GBX1: variants seen among roughly 807,000 people sequenced by gnomAD.
The protein encoded by GBX1 is homeobox protein GBX-1.
Under a neutral mutation model 22.9 loss-of-function variants are expected in GBX1, and 9 were observed. That is an observed-to-expected ratio of 0.39 (90% CI 0.24 to 0.69). The LOEUF is 0.69. GBX1 is among the 30% of genes least tolerant of loss of function. The pLI is 0.43. For synonymous variants in GBX1, 203 were observed against 227.3 expected, an observed-to-expected ratio of 0.89 and a Z score of 0.96; for missense variants, 494 against 509.2, an observed-to-expected ratio of 0.97 and a Z score of 0.29.
rs1465228158 is a variant in GBX1, at chr7:151,148,200, A to G, written c.*389T>C. ...ACAAATAAATAAGGAGCTGCGATCT[A>G]CTTGGCTAGGTATCGCCTGTTCCCT... is the stretch of plus-strand genomic sequence containing the variant. On this transcript the variant is annotated 3_prime_UTR_variant, in exon 2 of 2. Coordinates refer to ENST00000297537, the MANE Select transcript of GBX1 (RefSeq NM_001098834.3). This position sits in a 1 kb window ranked among gnomAD's most constrained non-coding sequence, Gnocchi z 5.1. Among the ~76,000 whole-genome samples, 1 of 152,170 alleles carries G rather than the reference A, an allele frequency of 6.6e-6. No individual in the cohort carries two copies. Among genetic ancestry groups the G allele is most frequent in the Non-Finnish European group, 1.5e-5 (1 of 68,004 alleles).
chr7:151,166,478 C>CCT, intron 1 of GBX1, among the ~76,000 whole-genome samples: 1 of 124,372 alleles, frequency 8.0e-6, no homozygotes, highest in East Asian at 2.4e-4. Context: ...GACGCAACCC[C>CCT]CCCCCCCCAA....
At chr7:151,149,293 A>G in intron 1 of GBX1, 151 bp from the exon 2 acceptor site, 1 of 704,438 alleles carries the variant, frequency 1.4e-6, no homozygotes, top group Non-Finnish European at 2.4e-6. Context: ...GGGGAGGGAC[A>G]GGAGGCAGAA....
intron 1 of GBX1, among the ~76,000 whole-genome samples, chr7:151,165,168 A>G (rs1801235478): frequency 6.6e-6 from 1 of 151,900 alleles, no homozygotes; most frequent in African/African-American, 2.4e-5. Flanking sequence ...TTCTTGTTTC[A>G]TCAGTATTTC....
intron 1 of GBX1, among the ~76,000 whole-genome samples, chr7:151,159,586 T>C (rs1801170605): frequency 6.6e-6 from 1 of 152,146 alleles, no homozygotes; most frequent in Non-Finnish European, 1.5e-5. Flanking sequence ...CACTATGTTA[T>C]ACCAGGCTGA....
chr7:151,166,487 AACACAC>A (rs767762750), intron 1 of GBX1, among the ~76,000 whole-genome samples: 22 of 55,814 alleles, frequency 3.9e-4, no homozygotes, highest in Non-Finnish European at 5.5e-4. Flanking sequence ...CCCCCCCCCC[AACACAC>A]ACACACACAC....
In GBX1 at chr7:151,159,544, C is replaced by T. The variant is rs1801170318; in HGVS notation, c.538+7467G>A. On this transcript the variant is annotated intron_variant, in intron 1 of 1. Transcript: ENST00000297537. ...GGACTAGAGATACACACCACCATAC[C>T]TGGCAAATTTCTTTTGGTAGAGACA... 2.0e-5 allele frequency among the ~76,000 whole-genome samples: 3 copies of T among 152,140 alleles called. No homozygotes were observed. The South Asian group carries it at 6.2e-4, about 31-fold the overall frequency.
chr7:151,164,629 A>G (rs1420001332), intron 1 of GBX1, among the ~76,000 whole-genome samples: 1 of 152,034 alleles, frequency 6.6e-6, no homozygotes, highest in African/African-American at 2.4e-5. Context: ...CCCCACTATA[A>G]ACCCTTTACA....
chr7:151,164,128 G>A (rs1362740360), intron 1 of GBX1, among the ~76,000 whole-genome samples: 1 of 152,058 alleles, frequency 6.6e-6, no homozygotes, highest in Non-Finnish European at 1.5e-5. Flanking sequence ...TTATTTAAAC[G>A]GGTTAGCAGT....
chr7:151,163,617 A>C (rs1801210865), intron 1 of GBX1, among the ~76,000 whole-genome samples: 1 of 152,206 alleles, frequency 6.6e-6, no homozygotes, highest in Non-Finnish European at 1.5e-5. Context: ...TGTTGAAATA[A>C]TATTTTGGAC....
rs376853331 is a variant in GBX1, at chr7:151,165,002, TACACACAC to T, written c.538+2001_538+2008del. Among the ~76,000 whole-genome samples the T allele has an allele frequency of 3.3e-5, 5 of 151,110 alleles. No individual in the cohort carries two copies. The South Asian group carries it at 1.0e-3, about 32-fold the overall frequency. On this transcript the variant is annotated intron_variant, in intron 1 of 1. Transcript: ENST00000297537. ...ACACACACACAAACACACACACACATACACACACACACTCACTCACACTTGTGGTCCAG... is the reference window on the plus strand; with the variant it reads ...ACACACACACAAACACACACACACATACACTCACTCACACTTGTGGTCCAG...
chr7:151,157,141 C>G (rs893587552), intron 1 of GBX1, among the ~76,000 whole-genome samples: 2 of 151,712 alleles, frequency 1.3e-5, no homozygotes, highest in East Asian at 3.9e-4. Flanking sequence ...ACTAAAAATA[C>G]AAAAATTAGC....
rs1293750709 is a variant in GBX1 at position 151,167,573 on chromosome 7, G to T, written c.-25C>A. The T allele has an allele frequency of 1.4e-6, 2 of 1,399,878 alleles. No homozygotes were observed. Among genetic ancestry groups the T allele is most frequent in the South Asian group, 1.5e-5 (1 of 66,108 alleles). The allele number at this position is 1,399,878 out of a possible 1,614,324, so 86.7% of individuals were successfully genotyped here. ...TCTTGTTCGGAGCTGCGGCCGCCCC[G>T]GGGCGCTCCTCTCTGGGCGCCTCCG... On this transcript the variant is annotated 5_prime_UTR_variant, in exon 1 of 2. Coordinates refer to ENST00000297537, the MANE Select transcript of GBX1 (RefSeq NM_001098834.3). This position sits in a 1 kb window ranked among gnomAD's most constrained non-coding sequence, Gnocchi z 5.9.
At chr7:151,151,538 C>T (rs779174247) in intron 1 of GBX1, among the ~76,000 whole-genome samples, 5 of 152,148 alleles carry the variant, frequency 3.3e-5, no homozygotes, top group Non-Finnish European at 5.9e-5. Flanking sequence ...TCAGATCATT[C>T]CCCCAAACCA....
Position 151,148,909 on chromosome 7 carries a change from C to A in GBX1, c.772G>T (p.Gly258Trp). 6.2e-7 allele frequency: 1 copy of A among 1,614,176 alleles called. No homozygotes were observed. The highest frequency in any genetic ancestry group is 2.2e-5 in the East Asian group (1 of 44,890). ...APVTAGVTAP[G>W]GKSRRRRTAF... The stretch of plus-strand genomic sequence containing the variant: ...GTGCGGCGCCGTCGGCTTTTCCCCC[C>A]AGGAGCTGTGACCCCTGCTGTCACC... The change falls in exon 2 of 2, where the codon GGG becomes TGG. Residue 258 changes from glycine to tryptophan, a missense_variant. Physicochemically the swap from Gly to Trp is radical, Grantham distance 184 (BLOSUM62 -2). Around this residue, in one of 3 missense-constraint regions of GBX1, gnomAD observed 124 missense variants for 152.0 expected, o/e 0.82. Coordinates refer to ENST00000297537, the MANE Select transcript of GBX1 (RefSeq NM_001098834.3). This position sits in a 1 kb window ranked among gnomAD's most constrained non-coding sequence, Gnocchi z 5.1.
chr7:151,157,988 A>C (rs1442080218), intron 1 of GBX1, among the ~76,000 whole-genome samples: 1 of 152,218 alleles, frequency 6.6e-6, no homozygotes, highest in Non-Finnish European at 1.5e-5. Context: ...GGAGAGAATG[A>C]GGTGAAGACA....
rs1801041530 is a variant in GBX1, at chr7:151,148,664, GACA to G, written c.1014_1016del (p.Val339del). The G allele has an allele frequency of 1.2e-6, 2 of 1,614,014 alleles. No individual in the cohort carries two copies. Among genetic ancestry groups the G allele is most frequent in the Non-Finnish European group, 1.7e-6 (2 of 1,180,030 alleles). ...ACCTGTTGACATGCACAGGTATGGG[GACA>G]ACAATCTTGGGGTTTCTTACGGGCT... On this transcript the variant is annotated inframe_deletion, in exon 2 of 2. Transcript: ENST00000297537. The surrounding 1 kb of genome is among the most constrained non-coding windows in gnomAD (Gnocchi z 5.1).
At chr7:151,159,277 G>T (rs1167431038) in intron 1 of GBX1, among the ~76,000 whole-genome samples, 1 of 151,960 alleles carries the variant, frequency 6.6e-6, no homozygotes, top group Non-Finnish European at 1.5e-5. Flanking sequence ...GTAGAGACGG[G>T]ATTTTGCCAT....
At position 151,162,065 on chromosome 7, in the gene GBX1, G is replaced by C. The variant is rs1038131213; in HGVS notation, c.538+4946C>G. On this transcript the variant is annotated intron_variant, in intron 1 of 1. Transcript: ENST00000297537. ...AATTATACAACTAATGAGTGACAAA[G>C]GTGAGAATTGAATCCACGTGTCACA... is the stretch of plus-strand genomic sequence containing the variant. Among the ~76,000 whole-genome samples the C allele has an allele frequency of 6.6e-5, 10 of 152,298 alleles. No homozygotes were observed. In the East Asian group the frequency reaches 1.7e-3, roughly 26 times the overall value.
chr7:151,167,502 C>G lies in GBX1; in HGVS notation c.47G>C (p.Gly16Ala). 1 of 1,484,358 alleles carries G rather than the reference C, an allele frequency of 6.7e-7. No individual in the cohort carries two copies. Among genetic ancestry groups the G allele is most frequent in the Non-Finnish European group, 8.9e-7 (1 of 1,126,632 alleles). 91.9% of individuals were successfully genotyped at this position (1,484,358 alleles called of 1,614,324 possible). A position where few individuals can be genotyped will look rare whatever the true frequency, so the allele number is the denominator to read the frequency against. Residue 16 changes from glycine (G) to alanine (A), a missense_variant, in exon 1 of 2, where the codon GGC (glycine) becomes GCC (alanine). Gly to Ala is a moderately conservative substitution (Grantham distance 60, BLOSUM62 0). Coordinates refer to ENST00000297537, the MANE Select transcript of GBX1 (RefSeq NM_001098834.3). This position sits in a 1 kb window ranked among gnomAD's most constrained non-coding sequence, Gnocchi z 5.9. ...GGSAPGGNGG[G>A]GGGGPGTAFS... ...GGCAGTGCCCGGGCCCCCGCCGCCG[C>G]CCCCGCCGTTGCCCCCAGGGGCGCT...
Sources: gnomAD v4.1 joint callset for allele counts (sites outside exome capture counted in the v4.1 genomes callset) on GRCh38, gnomAD v4.1.1 for gene constraint, gnomAD v4.1.1 regional missense constraint, Gnocchi (gnomAD v3.1) non-coding constraint, MANE v1.5 for transcripts, NCBI Gene and HGNC (gene_info 2026-07-23, HGNC 2026-07-21) for gene names.